The following ZFR variants were observed in gnomAD, a reference collection of about 807,000 sequenced individuals.
ZFR encodes the protein zinc finger RNA-binding protein.
ZFR carries 19 observed loss-of-function variants against 130.7 expected under a neutral mutation model. The ratio of observed to expected loss-of-function variants is 0.15; its 90% CI spans 0.10 to 0.21. The LOEUF is 0.21. Among genes scored for constraint, ZFR ranks in the 10% least tolerant of loss-of-function variants. The pLI is 1.00. For missense variants in ZFR, 872 were observed against 1,321.5 expected, an observed-to-expected ratio of 0.66 and a Z score of 5.27; for synonymous variants, 466 against 456.9, an observed-to-expected ratio of 1.02 and a Z score of -0.25.
chr5:32,364,029 C>T lies in ZFR; in HGVS notation c.2964G>A (p.Leu988=), dbSNP rs376915428. Residue 988 remains leucine (L), a synonymous_variant, in exon 19 of 20, where the codon CTG becomes CTA. Transcript: ENST00000265069. The part of the protein sequence containing the change: ...GIILKGSPGL[L]DPCEKDPFDT... ...CAAAGGGATCCTTTTCACAAGGATC[C>T]AGAAGTCCAGGACTACCTACAGCAA... 1.2e-6 allele frequency: 2 copies of T among 1,613,824 alleles called. No individual in the cohort carries two copies. The highest frequency in any genetic ancestry group is 2.7e-5 in the African/African-American group (2 of 74,862).
intron 17 of ZFR, among the ~76,000 whole-genome samples, chr5:32,367,661 ATCT>A (rs1752576764): frequency 6.6e-6 from 1 of 151,962 alleles, no homozygotes; most frequent in African/African-American, 2.4e-5. Flanking sequence ...TGATCTTTCC[ATCT>A]TCGTGTCCCA....
chr5:32,371,424 C>T (rs1220751259), intron 17 of ZFR, among the ~76,000 whole-genome samples: 2 of 152,122 alleles, frequency 1.3e-5, no homozygotes, highest in African/African-American at 4.8e-5. Context: ...AATGTAATAG[C>T]TTGAATCAAA....
intron 17 of ZFR, among the ~76,000 whole-genome samples, chr5:32,365,973 T>C (rs1752532000): frequency 6.6e-6 from 1 of 152,174 alleles, no homozygotes; most frequent in South Asian, 2.1e-4. Context: ...GCTTCAGTCA[T>C]CTAGAAAACT....
chr5:32,403,132 G>A lies in ZFR; in HGVS notation c.1490C>T (p.Thr497Ile), dbSNP rs1203217464. The A allele has an allele frequency of 1.2e-6, 2 of 1,613,942 alleles. No homozygotes were observed. The highest frequency in any genetic ancestry group is 1.7e-6 in the Non-Finnish European group (2 of 1,179,990). ...AACAAAATTTATTTTGGGGGTAGAT[G>A]TTTTCTTGGCAGCCATATTTGTAGG... is the stretch of plus-strand genomic sequence containing the variant. Reference protein sequence around the residue: ...AVPTNMAAKKTSTPKINFVGG... With the variant: ...AVPTNMAAKKISTPKINFVGG... The change falls in exon 8 of 20, where the codon ACA becomes ATA. Residue 497 changes from threonine to isoleucine, a missense_variant. By Grantham distance (89) the Thr-to-Ile change is moderately conservative. This residue lies in a region of ZFR where 143 missense variants were observed against 137.9 expected (regional missense o/e 1.04). Transcript: ENST00000265069.
intron 4 of ZFR, among the ~76,000 whole-genome samples, chr5:32,416,127 T>A: frequency 6.6e-6 from 1 of 152,098 alleles, no homozygotes; most frequent in Non-Finnish European, 1.5e-5. Flanking sequence ...TTGATCCATG[T>A]AACACAAAAA....
chr5:32,439,061 G>T (rs1754402502), intron 2 of ZFR, among the ~76,000 whole-genome samples: 1 of 152,028 alleles, frequency 6.6e-6, no homozygotes, highest in South Asian at 2.1e-4. Context: ...TTCTATACAG[G>T]GATATTCTGG....
Position 32,388,652 on chromosome 5 carries a change from G to C in ZFR, c.2165C>G (p.Ser722Cys). The change falls in exon 13 of 20, where the codon TCT becomes TGT. Residue 722 changes from serine (S) to cysteine (C), a missense_variant. Around this residue, in one of 7 missense-constraint regions of ZFR, gnomAD observed 225 missense variants for 282.4 expected, o/e 0.80. Coordinates refer to ENST00000265069, the MANE Select transcript of ZFR (RefSeq NM_016107.5). ...GPAPLRRPDS[S>C]DDRYVMTKHA... ...TTTTGTCATTACATAACGGTCATCA[G>C]ATGAGTCAGGACGACGTAAGGGCTA... 1 of 1,613,896 alleles carries C rather than the reference G, an allele frequency of 6.2e-7. No homozygotes were observed. The highest frequency in any genetic ancestry group is 1.3e-5 in the African/African-American group (1 of 75,046).
At chr5:32,383,170 AAAAC>A (rs990166853) in intron 15 of ZFR, among the ~76,000 whole-genome samples, 3 of 152,222 alleles carry the variant, frequency 2.0e-5, no homozygotes, top group Non-Finnish European at 4.4e-5. Flanking sequence ...AGACAAAGAC[AAAAC>A]AAACAAAACA....
At chr5:32,427,187 C>T (rs889449182) in intron 2 of ZFR, among the ~76,000 whole-genome samples, 2 of 151,712 alleles carry the variant, frequency 1.3e-5, no homozygotes, top group African/African-American at 2.4e-5. Context: ...CTTTCAGAGG[C>T]TAAGCTGGGA....
chr5:32,371,416 T>C (rs1306913376), intron 17 of ZFR, among the ~76,000 whole-genome samples: 1 of 151,820 alleles, frequency 6.6e-6, no homozygotes. Flanking sequence ...CAGGAAAAAA[T>C]GTAATAGCTT....
intron 5 of ZFR, among the ~76,000 whole-genome samples, chr5:32,414,742 T>C (rs918260321): frequency 1.1e-4 from 16 of 152,158 alleles, no homozygotes; most frequent in Non-Finnish European, 1.5e-5. Context: ...TAATGAGCCT[T>C]AAAACCCCCA....
At chr5:32,408,697 T>C (rs10520994) in intron 5 of ZFR, among the ~76,000 whole-genome samples, 41,331 of 152,148 alleles carry the variant, frequency 0.27, 6,529 homozygotes, top group Middle Eastern at 0.44. Context: ...GACTGCCCAG[T>C]AGAGTTTATT....
At chr5:32,440,564 T>C (rs899445149) in intron 2 of ZFR, among the ~76,000 whole-genome samples, 2 of 152,006 alleles carry the variant, frequency 1.3e-5, no homozygotes, top group Admixed American at 1.3e-4. Flanking sequence ...GGAGAATCAC[T>C]TGAACCCGAG....
intron 17 of ZFR, among the ~76,000 whole-genome samples, chr5:32,368,539 A>G (rs1752596927): frequency 6.6e-6 from 1 of 152,136 alleles, no homozygotes; most frequent in Admixed American, 6.5e-5. Context: ...CCTGGCCACA[A>G]ATTTTTAAAA....
intron 5 of ZFR, among the ~76,000 whole-genome samples, chr5:32,414,695 T>C (rs1753780385): frequency 6.6e-6 from 1 of 152,132 alleles, no homozygotes; most frequent in Admixed American, 6.5e-5. Flanking sequence ...AAACTCGGTG[T>C]TACTTCCTTT....
At chr5:32,362,236 T>C (rs2111656021) in intron 19 of ZFR, among the ~76,000 whole-genome samples, 1 of 152,354 alleles carries the variant, frequency 6.6e-6, no homozygotes, top group Middle Eastern at 3.4e-3. Context: ...TGCCTGTTTA[T>C]TAAAGGTATG....
intron 9 of ZFR, among the ~76,000 whole-genome samples, chr5:32,399,505 C>T (rs972650544): frequency 3.3e-5 from 5 of 152,178 alleles, no homozygotes; most frequent in African/African-American, 1.2e-4. Context: ...ATCCAGTCCC[C>T]TCTGATATCC....
At chr5:32,407,705 T>A (rs898280665) in intron 5 of ZFR, among the ~76,000 whole-genome samples, 8 of 152,142 alleles carry the variant, frequency 5.3e-5, no homozygotes, top group African/African-American at 1.9e-4. Flanking sequence ...AATACATTGG[T>A]TCTCATCTTC....
At position 32,407,008 on chromosome 5, in the gene ZFR, T is replaced by C. The variant is rs574363305; in HGVS notation, c.798A>G (p.Ser266=). ...CTGAATACACTGCTGCTTCATAACC[T>C]GAATAAGACGTACCTTACAAATAAA... ...TAVTYSGTSY[S]GYEAAVYSAA... is the part of the protein sequence containing the mutation. The change falls in exon 6 of 20, where the codon TCA becomes TCG. Residue 266 remains serine (S), a synonymous_variant. Transcript: ENST00000265069. 29 of 1,528,070 alleles carry C rather than the reference T, an allele frequency of 1.9e-5. No homozygotes were observed. In the Admixed American group the frequency reaches 7.3e-4, roughly 39 times the overall value. The allele number at this position is 1,528,070 out of a possible 1,614,324, so 94.7% of individuals were successfully genotyped here. A position where few individuals can be genotyped will look rare whatever the true frequency, so the allele number is the denominator to read the frequency against.
Sources: gnomAD v4.1 joint callset for allele counts (sites outside exome capture counted in the v4.1 genomes callset) on GRCh38, gnomAD v4.1.1 for gene constraint, gnomAD v4.1.1 regional missense constraint, MANE v1.5 for transcripts, NCBI Gene and HGNC (gene_info 2026-07-23, HGNC 2026-07-21) for gene names.